The following TNFAIP8L3 variants were observed in gnomAD, a reference collection of about 807,000 sequenced individuals.
TNFAIP8L3 encodes the protein TNF alpha induced protein 8 like 3.
Under a neutral mutation model 11.8 loss-of-function variants are expected in TNFAIP8L3, and 7 were observed. The observed-to-expected ratio is 0.59, with a 90% confidence interval of 0.34 to 1.11. The LOEUF is 1.11. TNFAIP8L3 is among the 50% of genes most tolerant of loss of function. TNFAIP8L3 has a pLI of 0.03. For synonymous variants in TNFAIP8L3, 98 were observed against 103.8 expected (o/e 0.94, Z 0.34); for missense variants, 219 against 258.6 (o/e 0.85, Z 1.05).
intron 1 of TNFAIP8L3, among the ~76,000 whole-genome samples, chr15:51,084,185 T>G (rs551308259): frequency 1.3e-4 from 20 of 149,858 alleles, no homozygotes; most frequent in Non-Finnish European, 2.4e-4. Flanking sequence ...TGTATAGGGG[T>G]GTGTGTGTGT....
chr15:51,063,713 G>A (rs1182270202), intron 1 of TNFAIP8L3, among the ~76,000 whole-genome samples: 5 of 152,126 alleles, frequency 3.3e-5, no homozygotes, highest in Non-Finnish European at 7.4e-5. Flanking sequence ...TATTCAATTG[G>A]GTCTTGCTCT....
intron 1 of TNFAIP8L3, among the ~76,000 whole-genome samples, chr15:51,078,659 C>A (rs1005614957): frequency 6.6e-6 from 1 of 151,962 alleles, no homozygotes; most frequent in Non-Finnish European, 1.5e-5. Context: ...GATCCCTCCC[C>A]CTCCACATTC....
At chr15:51,095,364 CA>C (rs929694436), upstream of TNFAIP8L3, among the ~76,000 whole-genome samples, 1 of 152,112 alleles carries the variant, frequency 6.6e-6, no homozygotes, top group African/African-American at 2.4e-5. Flanking sequence ...CTGGGCCTGG[CA>C]CCTAGTGACG....
chr15:51,064,027 A>T (rs1383331872), intron 1 of TNFAIP8L3, among the ~76,000 whole-genome samples: 1 of 152,216 alleles, frequency 6.6e-6, no homozygotes, highest in South Asian at 2.1e-4. Context: ...AAACTTCTAC[A>T]GTGAGGGCTC....
upstream of TNFAIP8L3, among the ~76,000 whole-genome samples, chr15:51,098,572 C>T (rs372069834): frequency 5.9e-5 from 9 of 152,158 alleles, no homozygotes; most frequent in African/African-American, 2.2e-4. Flanking sequence ...GGGAGCTTTC[C>T]TATTTCTTTC....
rs187875982 is a variant in TNFAIP8L3, at chr15:51,101,881, G to A, written c.172+3124C>T. ...GAATGGCGTGAACCTGGGAGGTGGA[G>A]CTTGCAGTGAGCTGAGATTGCGCCA... On this transcript the variant is annotated intron_variant, in intron 1 of 2. Transcript: ENST00000327536. Among the ~76,000 whole-genome samples the A allele has an allele frequency of 2.5e-3, 366 of 146,180 alleles. 2 individuals are homozygous for A. Among genetic ancestry groups the A allele is most frequent in the African/African-American group, 9.0e-3 (352 of 38,916 alleles).
At chr15:51,074,484 C>A (rs530245277) in intron 1 of TNFAIP8L3, among the ~76,000 whole-genome samples, 67 of 152,330 alleles carry the variant, frequency 4.4e-4, no homozygotes, top group African/African-American at 1.6e-3. Context: ...TGGTAGGATT[C>A]CCTTCTAATG....
At chr15:51,084,204 A>G (rs111781582) in intron 1 of TNFAIP8L3, among the ~76,000 whole-genome samples, 8 of 146,814 alleles carry the variant, frequency 5.4e-5, no homozygotes, top group African/African-American at 2.0e-4. Context: ...GTGTGTGTGT[A>G]TGCACATTTA....
In TNFAIP8L3 at chr15:51,056,703, G is replaced by A. The variant is rs1426532731; in HGVS notation, c.*1178C>T. 2.6e-5 allele frequency: 4 copies of A among 152,058 alleles called. No individual in the cohort carries two copies. Among genetic ancestry groups the A allele is most frequent in the South Asian group, 4.2e-4 (2 of 4,806 alleles). 9.4% of individuals were successfully genotyped at this position (152,058 alleles called of 1,614,324 possible). On this transcript the variant is annotated 3_prime_UTR_variant, in exon 2 of 2. Coordinates refer to ENST00000637513, the MANE Select transcript of TNFAIP8L3 (RefSeq NM_001311175.2). ...GGGGTTCATTCTGCCTGATTCTCCCGTGCATATGGAATAAAGCCTCCCTGA... is the reference window on the plus strand; with the variant it reads ...GGGGTTCATTCTGCCTGATTCTCCCATGCATATGGAATAAAGCCTCCCTGA...
At chr15:51,073,343 C>T (rs1037875076) in intron 1 of TNFAIP8L3, among the ~76,000 whole-genome samples, 6 of 152,200 alleles carry the variant, frequency 3.9e-5, no homozygotes, top group Non-Finnish European at 7.3e-5. Flanking sequence ...ATTAACATGA[C>T]ATGTCTCTCC....
intron 1 of TNFAIP8L3, among the ~76,000 whole-genome samples, chr15:51,077,828 T>C (rs556150789): frequency 2.6e-5 from 4 of 152,310 alleles, no homozygotes; most frequent in African/African-American, 9.6e-5. Flanking sequence ...AGCTCGAGTG[T>C]GCTGGCCTGG....
chr15:51,080,458 A>G (rs969864474), intron 1 of TNFAIP8L3, among the ~76,000 whole-genome samples: 1 of 151,888 alleles, frequency 6.6e-6, no homozygotes, highest in South Asian at 2.1e-4. Flanking sequence ...CTGTCCCCCA[A>G]CTCAAGTCTG....
intron 1 of TNFAIP8L3, among the ~76,000 whole-genome samples, chr15:51,061,126 A>G (rs551343691): frequency 6.2e-4 from 95 of 152,314 alleles, no homozygotes; most frequent in African/African-American, 1.9e-3. Context: ...AAAGAGCAAG[A>G]CTGTCTCAAA....
upstream of TNFAIP8L3, among the ~76,000 whole-genome samples, chr15:51,098,434 G>C (rs1214493791): frequency 6.6e-6 from 1 of 152,160 alleles, no homozygotes; most frequent in Non-Finnish European, 1.5e-5. Context: ...GTAGACTTTG[G>C]TCCCAAGGAA....
chr15:51,095,633 A>G (rs2065508802), upstream of TNFAIP8L3, among the ~76,000 whole-genome samples: 1 of 151,250 alleles, frequency 6.6e-6, no homozygotes, highest in Non-Finnish European at 1.5e-5. Context: ...AAACTTCCGT[A>G]ACACCATCCT....
chr15:51,091,808 A>C (rs1217851239), intron 1 of TNFAIP8L3, among the ~76,000 whole-genome samples: 2 of 152,212 alleles, frequency 1.3e-5, no homozygotes, highest in Admixed American at 6.5e-5. Flanking sequence ...TGATAATAAC[A>C]GCAGCAACAT....
At chr15:51,104,977 C>T (rs940559499) in intron 1 of TNFAIP8L3, 10 of 1,613,950 alleles carry the variant, frequency 6.2e-6, no homozygotes, top group Non-Finnish European at 7.6e-6. Context: ...ATACTTCCTT[C>T]TCTGCCAGTT....
intron 1 of TNFAIP8L3, among the ~76,000 whole-genome samples, chr15:51,079,420 C>T (rs2140974045): frequency 6.6e-6 from 1 of 152,338 alleles, no homozygotes; most frequent in Admixed American, 6.5e-5. Flanking sequence ...GGGACCAAGG[C>T]TTATTTATCT....
chr15:51,081,762 T>G (rs2065393963), intron 1 of TNFAIP8L3, among the ~76,000 whole-genome samples: 1 of 152,232 alleles, frequency 6.6e-6, no homozygotes, highest in East Asian at 1.9e-4. Context: ...CCTCCCAGGA[T>G]GAGGAGAAAT....
Sources: allele counts gnomAD v4.1 joint callset (sites outside exome capture counted in the v4.1 genomes callset), GRCh38; gene constraint gnomAD v4.1.1; transcripts MANE v1.5; gene names NCBI Gene and HGNC (gene_info 2026-07-23, HGNC 2026-07-21).